ACSM1: variants seen among roughly 807,000 people sequenced by gnomAD.
The protein encoded by ACSM1 is acyl-CoA synthetase medium chain family member 1.
In ACSM1, 79 loss-of-function variants were observed where a neutral mutation model predicts 75.8. The observed-to-expected ratio is 1.04, with a 90% CI of 0.87 to 1.26. The LOEUF is 1.26. Among genes scored for constraint, ACSM1 ranks in the 50% most tolerant of loss-of-function variants. The pLI is 0.00. For missense variants in ACSM1, 676 were observed against 720.1 expected (o/e 0.94, Z 0.70); for synonymous variants, 279 against 265.8 (o/e 1.05, Z -0.48).
intron 7 of ACSM1, among the ~76,000 whole-genome samples, chr16:20,646,673 G>C (rs1453773298): frequency 6.6e-6 from 1 of 152,134 alleles, no homozygotes. Context: ...CCTTTGTTAG[G>C]GAGAGACATC....
At chr16:20,640,794 G>A (rs1406104234) in intron 7 of ACSM1, among the ~76,000 whole-genome samples, 1 of 152,248 alleles carries the variant, frequency 6.6e-6, no homozygotes, top group African/African-American at 2.4e-5. Context: ...TGGATGGGTG[G>A]TGGTGAGGCT....
intron 8 of ACSM1, among the ~76,000 whole-genome samples, chr16:20,638,358 C>G (rs1396561809): frequency 6.6e-6 from 1 of 152,230 alleles, no homozygotes; most frequent in African/African-American, 2.4e-5. Flanking sequence ...GGGAAAGATT[C>G]TCTTTCTGCA....
In ACSM1 at chr16:20,648,468, A is replaced by C. The variant is rs2018474788; in HGVS notation, c.993-7884T>G. On this transcript the variant is annotated intron_variant, in intron 7 of 13. Transcript: ENST00000520010. The surrounding 1 kb of genome is among the most constrained non-coding windows in gnomAD (Gnocchi z 4.2). ...TGGACCCCTCCTCTCAGTCAATTGC[A>C]TTCCAAAGTTATCCTAAGACAAGAG... Among the ~76,000 whole-genome samples the C allele has an allele frequency of 6.6e-6, 1 of 152,184 alleles. No individual in the cohort carries two copies. Among genetic ancestry groups the C allele is most frequent in the Admixed American group, 6.5e-5 (1 of 15,272 alleles).
At chr16:20,686,322 C>A (rs140133712) in intron 2 of ACSM1, among the ~76,000 whole-genome samples, 110 of 152,144 alleles carry the variant, frequency 7.2e-4, no homozygotes, top group Non-Finnish European at 1.4e-3. Context: ...CCTACAGAAA[C>A]AACAGATGGA....
At chr16:20,665,841 C>G (rs2152265261) in intron 6 of ACSM1, among the ~76,000 whole-genome samples, 1 of 152,146 alleles carries the variant, frequency 6.6e-6, no homozygotes, top group Middle Eastern at 3.4e-3. Context: ...ATATGCAGAT[C>G]AATAAACAGG....
Position 20,625,534 on chromosome 16 carries a change from AG to A in ACSM1, c.1428-13del, listed in dbSNP as rs1232766465. 1.2e-6 allele frequency: 2 copies of A among 1,612,028 alleles called. No homozygotes were observed. The highest frequency in any genetic ancestry group is 1.3e-5 in the African/African-American group (1 of 74,888). ...GCCCGATGCGATACCTGGAGGATGA[AG>A]GGTTCTGAGGCAGATGCCAGGGCTG... On this transcript the variant is annotated splice_polypyrimidine_tract_variant and intron_variant, in intron 11 of 13. Transcript: ENST00000520010.
chr16:20,637,275 G>A (rs746491193), intron 9 of ACSM1, 96 bp downstream of exon 9: 1 of 956,626 alleles, frequency 1.0e-6, no homozygotes, highest in South Asian at 1.3e-5. Flanking sequence ...AGGATGACTG[G>A]AGCAGGGAAG....
intron 1 of ACSM1, among the ~76,000 whole-genome samples, chr16:20,693,667 G>A (rs1161885981): frequency 6.6e-6 from 1 of 152,150 alleles, no homozygotes; most frequent in Non-Finnish European, 1.5e-5. Flanking sequence ...TTATTTAAAT[G>A]AGATGTTCTC....
At chr16:20,663,292 T>A (rs2019390031) in intron 6 of ACSM1, among the ~76,000 whole-genome samples, 1 of 152,122 alleles carries the variant, frequency 6.6e-6, no homozygotes, top group Admixed American at 6.6e-5. Flanking sequence ...GCACTGCTAC[T>A]TTTCTACCCC....
At chr16:20,666,520 A>T (rs938770571) in intron 6 of ACSM1, among the ~76,000 whole-genome samples, 2 of 152,242 alleles carry the variant, frequency 1.3e-5, no homozygotes, top group African/African-American at 4.8e-5. Context: ...ATATATTGGA[A>T]GAATCAATAT....
In ACSM1 at chr16:20,691,118, G is replaced by A. The variant is rs768403860; in HGVS notation, c.71C>T (p.Pro24Leu). 2.5e-6 allele frequency: 4 copies of A among 1,613,576 alleles called. No individual in the cohort carries two copies. In the South Asian group the frequency reaches 4.4e-5, roughly 18 times the overall value. The change falls in exon 2 of 14, where the codon CCT (proline) becomes CTT (leucine). Residue 24 changes from proline to leucine, a missense_variant. Physicochemically the swap from Pro to Leu is moderately conservative, Grantham distance 98. Transcript: ENST00000520010. ...HKSFHNIHPA[P>L]SQLRCRSLSE... ...TAAAGACCGGCAGCGCAGCTGTGAA[G>A]GGGCAGGGTGGATGTTGTGGAAGGA...
intron 10 of ACSM1, among the ~76,000 whole-genome samples, chr16:20,633,744 T>C (rs2017488559): frequency 1.3e-5 from 2 of 152,006 alleles, no homozygotes; most frequent in South Asian, 2.1e-4. Flanking sequence ...AAAAGGTGAA[T>C]AAAGGCCAGG....
At chr16:20,644,316 G>A (rs1170050328) in intron 7 of ACSM1, among the ~76,000 whole-genome samples, 1 of 152,182 alleles carries the variant, frequency 6.6e-6, no homozygotes, top group South Asian at 2.1e-4. Flanking sequence ...CTACCCTAAG[G>A]AAGAGAAAAG....
chr16:20,647,991 A>G (rs1338012759), intron 7 of ACSM1, among the ~76,000 whole-genome samples: 3 of 152,196 alleles, frequency 2.0e-5, no homozygotes, highest in Non-Finnish European at 4.4e-5. Flanking sequence ...TGGATTACCA[A>G]TAAATAGCAT....
chr16:20,632,320 T>G (rs2017400545), intron 10 of ACSM1, among the ~76,000 whole-genome samples: 1 of 152,194 alleles, frequency 6.6e-6, no homozygotes, highest in Non-Finnish European at 1.5e-5. Flanking sequence ...TGACAAGTCT[T>G]CAGCTAGATT....
At chr16:20,662,123 C>T (rs1374853976) in intron 6 of ACSM1, among the ~76,000 whole-genome samples, 5 of 152,102 alleles carry the variant, frequency 3.3e-5, no homozygotes, top group East Asian at 1.9e-4. Flanking sequence ...AAACAGGACT[C>T]GAATGATAAG....
chr16:20,675,456 C>G (rs2020217787), intron 4 of ACSM1, among the ~76,000 whole-genome samples: 1 of 152,068 alleles, frequency 6.6e-6, no homozygotes, highest in Non-Finnish European at 1.5e-5. Context: ...ACGTTCCTGG[C>G]TAAGCAGCGT....
Position 20,624,532 on chromosome 16 carries a change from C to T in ACSM1, c.1528-317G>A, listed in dbSNP as rs573405276. ...CAGCTAGTTTACTTTTATTATTACT[C>T]CCGTCATCAATATTTTCATCATCAT... On this transcript the variant is annotated intron_variant, in intron 12 of 13. Transcript: ENST00000520010. Among the ~76,000 whole-genome samples the T allele has an allele frequency of 3.3e-5, 5 of 152,194 alleles. No individual in the cohort carries two copies. The East Asian group carries it at 9.7e-4, about 29-fold the overall frequency.
intron 6 of ACSM1, among the ~76,000 whole-genome samples, chr16:20,667,235 T>G (rs1555472493): frequency 6.6e-6 from 1 of 152,128 alleles, no homozygotes; most frequent in Non-Finnish European, 1.5e-5. Context: ...CTACAAAGAA[T>G]TTAAGTTATT....
Sources: allele counts gnomAD v4.1 joint callset (sites outside exome capture counted in the v4.1 genomes callset), GRCh38; gene constraint gnomAD v4.1.1; non-coding constraint Gnocchi (gnomAD v3.1); transcripts MANE v1.5; gene names NCBI Gene and HGNC (gene_info 2026-07-23, HGNC 2026-07-21).